ROBO3: variants seen among roughly 807,000 people sequenced by gnomAD.
The protein encoded by ROBO3 is roundabout guidance receptor 3.
ROBO3 carries 97 observed loss-of-function variants against 160.5 expected under a neutral mutation model. The observed-to-expected ratio is 0.60, with a 90% CI of 0.51 to 0.72. The LOEUF (loss-of-function observed/expected upper bound fraction) is 0.72. Ranked by LOEUF, ROBO3 falls within the 30% of genes least tolerant of loss-of-function variation. The pLI is 0.00. For missense variants in ROBO3, 1,858 were observed against 1,846.5 expected, an observed-to-expected ratio of 1.01 and a Z score of -0.11; for synonymous variants, 780 against 746.2, an observed-to-expected ratio of 1.05 and a Z score of -0.74.
In ROBO3 at chr11:124,869,041, G is replaced by A. The variant is rs1243155901; in HGVS notation, c.400G>A (p.Ala134Thr). ...FFPRIVHGRR[A>T]RPDEGVYTCV... ...CCCGCGCATCGTGCACGGGCGCCGC[G>A]CGCGGCCGGACGAAGGTGTCTACAC... is the stretch of plus-strand genomic sequence containing the variant. Residue 134 changes from alanine (A) to threonine (T), a missense_variant, in exon 2 of 28, where the codon GCG becomes ACG. By Grantham distance (58) the Ala-to-Thr change is moderately conservative (BLOSUM62 0). Transcript: ENST00000397801. This position sits in a 1 kb window ranked among gnomAD's most constrained non-coding sequence, Gnocchi z 4.2. 6.2e-7 allele frequency: 1 copy of A among 1,602,702 alleles called. No homozygotes were observed. Among genetic ancestry groups the A allele is most frequent in the Non-Finnish European group, 8.5e-7 (1 of 1,175,180 alleles).
rs1229793932 is a variant in ROBO3, at chr11:124,878,850, C to G, written c.3533+54C>G. The G allele has an allele frequency of 2.2e-5, 30 of 1,367,194 alleles. No homozygotes were observed. Among genetic ancestry groups the G allele is most frequent in the Non-Finnish European group, 2.8e-5 (27 of 974,598 alleles). 84.7% of individuals were successfully genotyped at this position (1,367,194 alleles called of 1,614,324 possible). On this transcript the variant is annotated intron_variant, in intron 23 of 27. Coordinates refer to ENST00000397801, the MANE Select transcript of ROBO3 (RefSeq NM_022370.4). The surrounding 1 kb of genome is among the most constrained non-coding windows in gnomAD (Gnocchi z 4.3). ...TGCAAGCCCTCTATACGTATCTACT[C>G]AGTAGATGACTGGGTGGGTGGATGG...
Position 124,878,059 on chromosome 11 carries a change from C to T in ROBO3, c.3109C>T (p.Pro1037Ser), listed in dbSNP as rs1311723279. 3 of 1,612,618 alleles carry T rather than the reference C, an allele frequency of 1.9e-6. No homozygotes were observed. The highest frequency in any genetic ancestry group is 1.1e-5 in the South Asian group (1 of 90,796). Residue 1037 changes from proline to serine, a missense_variant, in exon 21 of 28, where the codon CCC becomes TCC. Physicochemically the swap from Pro to Ser is moderately conservative, Grantham distance 74. Transcript: ENST00000397801. The surrounding 1 kb of genome is among the most constrained non-coding windows in gnomAD (Gnocchi z 4.3). ...EELQTFHGGFPQHPSGDLGPW... is the reference protein window; with the variant it reads ...EELQTFHGGFSQHPSGDLGPW... ...GCTGCAGACCTTCCATGGGGGCTTCCCCCAACATCCCTCAGGAGATCTGGG... is the reference window on the plus strand; with the variant it reads ...GCTGCAGACCTTCCATGGGGGCTTCTCCCAACATCCCTCAGGAGATCTGGG...
chr11:124,879,097 C>G (rs1171630957), intron 23 of ROBO3, 93 bp from the exon 24 acceptor site: 1 of 1,384,230 alleles, frequency 7.2e-7, no homozygotes. Context: ...TCTCGTTTAT[C>G]TGTTAGGTTG....
rs1946313324 is a variant in ROBO3, at chr11:124,873,940, G to A, written c.1784+78G>A. The stretch of plus-strand genomic sequence containing the variant: ...ATGCCCTTAGGGTCTTTGCTATTGT[G>A]AGGTGGGATTCTCCAGTACCCTCTT... On this transcript the variant is annotated intron_variant, in intron 11 of 27. Coordinates refer to ENST00000397801, the MANE Select transcript of ROBO3 (RefSeq NM_022370.4). This position sits in a 1 kb window ranked among gnomAD's most constrained non-coding sequence, Gnocchi z 4.5. The A allele has an allele frequency of 6.3e-6, 10 of 1,591,982 alleles. No individual in the cohort carries two copies. Among genetic ancestry groups the A allele is most frequent in the Non-Finnish European group, 2.6e-6 (3 of 1,162,666 alleles).
chr11:124,870,866 G>C (rs1591510288), intron 6 of ROBO3, 138 bp downstream of exon 6: 1 of 1,515,580 alleles, frequency 6.6e-7, no homozygotes, highest in African/African-American at 1.4e-5. Context: ...GGAGTGGGAG[G>C]AGGAGAACAC....
chr11:124,865,528 C>T lies in ROBO3; in HGVS notation c.-50C>T, dbSNP rs1244491543. The stretch of plus-strand genomic sequence containing the variant: ...GGCTCCCAGCCCACGGGTCTCAGAC[C>T]CAGGGGCTGGGCCCCCAGCCCCCAG... On this transcript the variant is annotated 5_prime_UTR_variant, in exon 1 of 28. Transcript: ENST00000397801. The surrounding 1 kb of genome is among the most constrained non-coding windows in gnomAD (Gnocchi z 5.5). 6.3e-7 allele frequency: 1 copy of T among 1,589,266 alleles called. No homozygotes were observed. The highest frequency in any genetic ancestry group is 8.5e-7 in the Non-Finnish European group (1 of 1,169,662).
intron 7 of ROBO3, 146 bp downstream of exon 7, chr11:124,871,284 A>G: frequency 1.0e-6 from 1 of 958,892 alleles, no homozygotes. Context: ...TGAGAGGATT[A>G]AGTAAGATAA....
Position 124,872,468 on chromosome 11 carries a change from C to A in ROBO3, c.1246C>A (p.Arg416Ser). 6.2e-7 allele frequency: 1 copy of A among 1,613,932 alleles called. No individual in the cohort carries two copies. Among genetic ancestry groups the A allele is most frequent in the East Asian group, 2.2e-5 (1 of 44,868 alleles). Reference protein sequence around the residue: ...RGQLNITAVQRGDAGYYVCQA... With the variant: ...RGQLNITAVQSGDAGYYVCQA... ...CCAACTTAACATCACCGCGGTGCAG[C>A]GTGGGGATGCTGGGTACTACGTGTG... The change falls in exon 8 of 28, where the codon CGT becomes AGT. Residue 416 changes from arginine to serine, a missense_variant. Arg to Ser is a moderately radical substitution (Grantham distance 110, BLOSUM62 -1). Coordinates refer to ENST00000397801, the MANE Select transcript of ROBO3 (RefSeq NM_022370.4). The surrounding 1 kb of genome is among the most constrained non-coding windows in gnomAD (Gnocchi z 4.3).
In ROBO3 at chr11:124,879,873, G is replaced by A. The variant is rs1320829413; in HGVS notation, c.3883G>A (p.Glu1295Lys). Residue 1295 changes from glutamate to lysine, a missense_variant, in exon 26 of 28, where the codon GAG (glutamate) becomes AAG (lysine). Coordinates refer to ENST00000397801, the MANE Select transcript of ROBO3 (RefSeq NM_022370.4). ...LRAAGSMSSL[E>K]RERSGERKAV... ...GGCAGCAGGCAGCATGTCCTCCCTG[G>A]AGCGGGAGCGCAGTGGGGAGAGGAA... 1 of 1,613,072 alleles carries A rather than the reference G, an allele frequency of 6.2e-7. No homozygotes were observed.
At position 124,870,304 on chromosome 11, in the gene ROBO3, G is replaced by A; in HGVS notation, c.905+1G>A. ...AGGATGGGGAACTGCCCACAGGCAG[G>A]TGAGAGACCCCCTTCTGCCTGTAGG... On this transcript the variant is annotated splice_donor_variant, in intron 5 of 27. Transcript: ENST00000397801. LOFTEE classifies it high-confidence loss of function. The A allele has an allele frequency of 2.5e-6, 4 of 1,613,034 alleles. No individual in the cohort carries two copies. Among genetic ancestry groups the A allele is most frequent in the Non-Finnish European group, 3.4e-6 (4 of 1,179,428 alleles).
In ROBO3 at chr11:124,872,848, T is replaced by C. The variant is rs2135329419; in HGVS notation, c.1331-36T>C. 1 of 1,503,552 alleles carries C rather than the reference T, an allele frequency of 6.7e-7. No homozygotes were observed. Among genetic ancestry groups the C allele is most frequent in the Non-Finnish European group, 8.9e-7 (1 of 1,118,268 alleles). The allele number at this position is 1,503,552 out of a possible 1,614,324, so 93.1% of individuals were successfully genotyped here. A position where few individuals can be genotyped will look rare whatever the true frequency, so the allele number is the denominator to read the frequency against. On this transcript the variant is annotated intron_variant, in intron 8 of 27. Coordinates refer to ENST00000397801, the MANE Select transcript of ROBO3 (RefSeq NM_022370.4). This position sits in a 1 kb window ranked among gnomAD's most constrained non-coding sequence, Gnocchi z 4.3. ...AGGGGCTGCCCGCGGGGCCCTAAGC[T>C]CCTCCCCTGAGGTGCACACGTTCTT...
Position 124,869,606 on chromosome 11 carries a change from C to G in ROBO3, c.644C>G (p.Thr215Arg). The G allele has an allele frequency of 6.4e-7, 1 of 1,565,950 alleles. No homozygotes were observed. Among genetic ancestry groups the G allele is most frequent in the Non-Finnish European group, 8.7e-7 (1 of 1,154,260 alleles). ...CTCAAGGAAGAGGAAGGAAGGATCA[C>G]GGTGAGGGCGGGATTATGATTGGAG... is the stretch of plus-strand genomic sequence containing the variant. ...ARLKEEEGRITIRGGKLMMSH... is the reference protein window; with the variant it reads ...ARLKEEEGRIRIRGGKLMMSH... Residue 215 changes from threonine (T) to arginine (R), a missense_variant and splice_region_variant, in exon 3 of 28, where the codon ACG (threonine) becomes AGG (arginine). Thr to Arg is a moderately conservative substitution (Grantham distance 71, BLOSUM62 -1). Coordinates refer to ENST00000397801, the MANE Select transcript of ROBO3 (RefSeq NM_022370.4). This position sits in a 1 kb window ranked among gnomAD's most constrained non-coding sequence, Gnocchi z 4.2.
At chr11:124,880,306 C>T (rs1486305775) in intron 26 of ROBO3, 112 bp from the exon 27 acceptor site, 4 of 1,497,534 alleles carry the variant, frequency 2.7e-6, no homozygotes, top group African/African-American at 1.4e-5. Flanking sequence ...GAGCCCTGTG[C>T]CTGCCCTTCA....
At chr11:124,874,281 A>C (rs758502153) in intron 12 of ROBO3, 45 bp downstream of exon 12, 3 of 1,554,860 alleles carry the variant, frequency 1.9e-6, no homozygotes, top group Middle Eastern at 3.4e-4. Context: ...ATGTAACATC[A>C]TAAAGCAACC....
At chr11:124,875,834 G>C in intron 15 of ROBO3, 120 bp from the exon 16 acceptor site, 3 of 1,443,740 alleles carry the variant, frequency 2.1e-6, no homozygotes, top group Non-Finnish European at 2.9e-6. Context: ...AGGTTTCCAA[G>C]TGTTGTTTCC....
At chr11:124,879,136 T>G in intron 23 of ROBO3, 54 bp from the exon 24 acceptor site, 1 of 1,529,494 alleles carries the variant, frequency 6.5e-7, no homozygotes, top group Non-Finnish European at 8.8e-7. Flanking sequence ...AGGCACATAG[T>G]AGGCATTCAG....
Position 124,865,640 on chromosome 11 carries a change from G to C in ROBO3, c.63G>C (p.Gly21=). ...ACTTGTTCGCGGACTCTCTGGCCGG[G>C]GACATCTCCAACTCCAGCGAGCTGC... is the stretch of plus-strand genomic sequence containing the variant. ...QMNLFADSLA[G]DISNSSELLL... The change falls in exon 1 of 28, where the codon GGG becomes GGC. Residue 21 remains glycine (G), a synonymous_variant. Transcript: ENST00000397801. The surrounding 1 kb of genome is among the most constrained non-coding windows in gnomAD (Gnocchi z 5.5). 1 of 1,613,024 alleles carries C rather than the reference G, an allele frequency of 6.2e-7. No individual in the cohort carries two copies. Among genetic ancestry groups the C allele is most frequent in the Non-Finnish European group, 8.5e-7 (1 of 1,179,718 alleles).
chr11:124,871,501 G>A (rs1260551733), intron 7 of ROBO3, among the ~76,000 whole-genome samples: 3 of 152,152 alleles, frequency 2.0e-5, no homozygotes, highest in Non-Finnish European at 2.9e-5. Flanking sequence ...CACTGCTCTG[G>A]AAACAGTATT....
chr11:124,876,028 C>T lies in ROBO3; in HGVS notation c.2496C>T (p.Leu832=). 6.2e-7 allele frequency: 1 copy of T among 1,605,402 alleles called. No homozygotes were observed. Among genetic ancestry groups the T allele is most frequent in the Non-Finnish European group, 8.5e-7 (1 of 1,176,596 alleles). Residue 832 remains leucine, a synonymous_variant, in exon 16 of 28, where the codon CTC becomes CTT. Coordinates refer to ENST00000397801, the MANE Select transcript of ROBO3 (RefSeq NM_022370.4). The surrounding 1 kb of genome is among the most constrained non-coding windows in gnomAD (Gnocchi z 5.3). ...SAAGWARSAM[L]RGLVPGLLYR... ...CAGGCTGGGCACGCTCCGCAATGCT[C>T]CGAGGACTGGTGCCCGGTCTCCTCT...
Sources: allele counts gnomAD v4.1 joint callset (sites outside exome capture counted in the v4.1 genomes callset), GRCh38; gene constraint gnomAD v4.1.1; non-coding constraint Gnocchi (gnomAD v3.1); transcripts MANE v1.5; gene names NCBI Gene and HGNC (gene_info 2026-07-23, HGNC 2026-07-21).